ELAPOR2: variants seen among roughly 807,000 people sequenced by gnomAD.
ELAPOR2 encodes the protein endosome/lysosome-associated apoptosis and autophagy regulator family member 2.
In ELAPOR2, 89 loss-of-function variants were observed where a neutral mutation model predicts 120.7. That is an observed-to-expected ratio of 0.74 (90% CI 0.62 to 0.88). The LOEUF is 0.88. ELAPOR2 is among the 40% of genes least tolerant of loss of function. The pLI is 0.00. For missense variants in ELAPOR2, 1,134 were observed against 1,251.6 expected (o/e 0.91, Z 1.42); for synonymous variants, 444 against 444.9 (o/e 1.00, Z 0.03).
In ELAPOR2 at chr7:86,891,460, G is replaced by A. The variant is rs146716218; in HGVS notation, c.3030+264C>T. ...CACATAGCTATCTCAATCTTTAACAGCTGCAGAGTTGCATAGTATTCTATC... is the reference window on the plus strand; with the variant it reads ...CACATAGCTATCTCAATCTTTAACAACTGCAGAGTTGCATAGTATTCTATC... On this transcript the variant is annotated intron_variant, in intron 21 of 21. Transcript: ENST00000450689. The A allele has an allele frequency of 5.5e-4, 183 of 335,404 alleles. 1 individual carries two copies. Among genetic ancestry groups the A allele is most frequent in the African/African-American group, 3.6e-3 (167 of 47,022 alleles). The allele number at this position is 335,404 out of a possible 1,614,324, so 20.8% of individuals were successfully genotyped here. A position where few individuals can be genotyped will look rare whatever the true frequency, so the allele number is the denominator to read the frequency against.
chr7:86,964,681 A>T (rs193236652), intron 2 of ELAPOR2, among the ~76,000 whole-genome samples: 1,846 of 151,664 alleles, frequency 0.012, 21 homozygotes, highest in Admixed American at 0.018. Flanking sequence ...AATAGATTTT[A>T]AAAAAAAATA....
chr7:87,002,981 G>C (rs1617490), intron 1 of ELAPOR2, among the ~76,000 whole-genome samples: 57,475 of 151,858 alleles, frequency 0.38, 11,721 homozygotes, highest in African/African-American at 0.53. Flanking sequence ...GATGAATGGC[G>C]CTCCTAAGAG....
intron 3 of ELAPOR2, 91 bp downstream of exon 3, chr7:86,947,636 C>A: frequency 8.7e-7 from 1 of 1,143,758 alleles, no homozygotes; most frequent in Non-Finnish European, 1.2e-6. Context: ...ACAAACAGTA[C>A]CAAGATTATC....
At chr7:86,915,517 A>G (rs1789531061) in intron 12 of ELAPOR2, among the ~76,000 whole-genome samples, 1 of 151,992 alleles carries the variant, frequency 6.6e-6, no homozygotes, top group Admixed American at 6.6e-5. Flanking sequence ...TCCAACTGAT[A>G]TGCTGTCATT....
chr7:87,014,489 T>C (rs1464218454), intron 1 of ELAPOR2, among the ~76,000 whole-genome samples: 2 of 152,194 alleles, frequency 1.3e-5, no homozygotes, highest in Non-Finnish European at 2.9e-5. Context: ...CGAAGCAGAA[T>C]GTAATGGCCA....
chr7:86,947,342 GGA>G (rs1320397277), intron 3 of ELAPOR2, among the ~76,000 whole-genome samples: 1 of 152,060 alleles, frequency 6.6e-6, no homozygotes, highest in Non-Finnish European at 1.5e-5. Flanking sequence ...CTCTTTTATA[GGA>G]GATAATCAAG....
intron 18 of ELAPOR2, among the ~76,000 whole-genome samples, chr7:86,905,951 C>T (rs1295450497): frequency 6.6e-6 from 1 of 152,146 alleles, no homozygotes; most frequent in Admixed American, 6.5e-5. Flanking sequence ...CTCCAGGAGA[C>T]TATTTTCCTT....
At chr7:87,020,171 A>G (rs2116695677) in intron 1 of ELAPOR2, among the ~76,000 whole-genome samples, 1 of 152,274 alleles carries the variant, frequency 6.6e-6, no homozygotes, top group East Asian at 1.9e-4. Flanking sequence ...GCACTTACAT[A>G]CACACATATG....
chr7:86,965,851 G>T, intron 1 of ELAPOR2: 1 of 985,260 alleles, frequency 1.0e-6, no homozygotes, highest in Non-Finnish European at 1.2e-6. Context: ...TTATTCTGCT[G>T]CATCCACACT....
intron 1 of ELAPOR2, among the ~76,000 whole-genome samples, chr7:87,052,944 A>T (rs1562988181): frequency 6.6e-6 from 1 of 152,004 alleles, no homozygotes; most frequent in Non-Finnish European, 1.5e-5. Flanking sequence ...CTACAGGCCC[A>T]TGCCACCATG....
chr7:86,931,863 T>C (rs1476072707), intron 8 of ELAPOR2, among the ~76,000 whole-genome samples: 5 of 152,022 alleles, frequency 3.3e-5, no homozygotes, highest in Non-Finnish European at 5.9e-5. Flanking sequence ...CTATTTATGA[T>C]ATTTAAGAGC....
chr7:86,908,875 C>T (rs865922953), intron 16 of ELAPOR2, among the ~76,000 whole-genome samples: 1 of 152,070 alleles, frequency 6.6e-6, no homozygotes, highest in Non-Finnish European at 1.5e-5. Flanking sequence ...TTAAAATTTT[C>T]ATTCTCCAGT....
chr7:86,922,223 C>A (rs540161776), intron 10 of ELAPOR2, among the ~76,000 whole-genome samples: 4 of 151,996 alleles, frequency 2.6e-5, no homozygotes, highest in African/African-American at 9.6e-5. Context: ...CACCTAACAG[C>A]TATTATAATT....
chr7:86,912,048 C>T lies in ELAPOR2; in HGVS notation c.2169+24G>A, dbSNP rs751934139. Reference sequence around the variant, plus strand: ...GATCGGAGCTGAAATATAGGTCCATCTCACCTTGACAGCCAGAACTCACCT... The same window carrying T: ...GATCGGAGCTGAAATATAGGTCCATTTCACCTTGACAGCCAGAACTCACCT... On this transcript the variant is annotated intron_variant, in intron 15 of 21. Coordinates refer to ENST00000450689, the MANE Select transcript of ELAPOR2 (RefSeq NM_001142749.3). 1.9e-6 allele frequency: 3 copies of T among 1,587,606 alleles called. 1 individual carries two copies. In the Admixed American group the frequency reaches 5.1e-5, roughly 27 times the overall value.
Position 86,891,881 on chromosome 7 carries a change from T to C in ELAPOR2, c.2873A>G (p.Tyr958Cys). The C allele has an allele frequency of 6.3e-7, 1 of 1,593,316 alleles. No individual in the cohort carries two copies. The highest frequency in any genetic ancestry group is 8.6e-7 in the Non-Finnish European group (1 of 1,165,184). Residue 958 changes from tyrosine (Y) to cysteine (C), a missense_variant, in exon 21 of 22, where the codon TAC becomes TGC. Coordinates refer to ENST00000450689, the MANE Select transcript of ELAPOR2 (RefSeq NM_001142749.3). ...CGTCATTACTAACTTGGAATATTTG[T>C]ATTCCAGTCTAAATAGTGATAAAAT... The part of the protein sequence containing the change: ...YFWKKNQKLE[Y>C]KYSKLVMTTN...
At chr7:86,934,900 T>C (rs533130791) in intron 8 of ELAPOR2, among the ~76,000 whole-genome samples, 1 of 152,024 alleles carries the variant, frequency 6.6e-6, no homozygotes, top group East Asian at 1.9e-4. Context: ...TTTAACACTT[T>C]CCTCCCCCTC....
Position 87,001,495 on chromosome 7 carries a change from A to C in ELAPOR2, c.190-36471T>G, listed in dbSNP as rs144975216. 5.5e-3 allele frequency among the ~76,000 whole-genome samples: 842 copies of C among 152,306 alleles called. 8 individuals carry two copies. Among genetic ancestry groups the C allele is most frequent in the African/African-American group, 0.019 (781 of 41,560 alleles). On this transcript the variant is annotated intron_variant, in intron 1 of 21. Transcript: ENST00000450689. ...AGTTTCTGGCTGGAGAACTTGCCAG[A>C]GGAAGTGGCATAGTGAGGGAGTCAG...
intron 1 of ELAPOR2, among the ~76,000 whole-genome samples, chr7:86,992,705 G>A (rs1792984925): frequency 6.6e-6 from 1 of 152,156 alleles, no homozygotes; most frequent in Non-Finnish European, 1.5e-5. Flanking sequence ...TTTCCCAGTA[G>A]AGTCTGATCA....
intron 2 of ELAPOR2, among the ~76,000 whole-genome samples, chr7:86,954,200 A>G (rs1791381784): frequency 6.6e-6 from 1 of 152,208 alleles, no homozygotes; most frequent in South Asian, 2.1e-4. Flanking sequence ...CTCTGAAAAT[A>G]AAGAGTGTTG....
Sources: gnomAD v4.1 joint callset for allele counts (sites outside exome capture counted in the v4.1 genomes callset) on GRCh38, gnomAD v4.1.1 for gene constraint, MANE v1.5 for transcripts, NCBI Gene and HGNC (gene_info 2026-07-23, HGNC 2026-07-21) for gene names.